CFAP77: variants seen among roughly 807,000 people sequenced by gnomAD.
CFAP77 encodes cilia- and flagella-associated protein 77.
In CFAP77, 25 loss-of-function variants were observed where a neutral mutation model predicts 31.1. The ratio of observed to expected loss-of-function variants is 0.80; its 90% CI spans 0.59 to 1.12. The LOEUF (loss-of-function observed/expected upper bound fraction) is 1.12. Ranked by LOEUF, CFAP77 falls within the 50% of genes most tolerant of loss-of-function variation. The pLI is 0.00. For missense variants in CFAP77, 377 were observed against 397.3 expected (o/e 0.95, Z 0.44); for synonymous variants, 151 against 159.9 (o/e 0.94, Z 0.42).
intron 3 of CFAP77, among the ~76,000 whole-genome samples, chr9:132,536,393 T>TC (rs1852544719): frequency 6.9e-6 from 1 of 145,942 alleles, no homozygotes; most frequent in Admixed American, 6.9e-5. Flanking sequence ...TCATAGTTCT[T>TC]TTTTTTTTTT....
chr9:132,558,023 T>G (rs1428256931), intron 5 of CFAP77, among the ~76,000 whole-genome samples: 1 of 152,226 alleles, frequency 6.6e-6, no homozygotes, highest in Non-Finnish European at 1.5e-5. Flanking sequence ...CGTTGTGTAC[T>G]TTTTTCACCT....
At chr9:132,536,165 T>C (rs768830397) in intron 3 of CFAP77, among the ~76,000 whole-genome samples, 3 of 152,154 alleles carry the variant, frequency 2.0e-5, no homozygotes, top group Non-Finnish European at 4.4e-5. Context: ...TGGTTGGTTC[T>C]AAGCTCCAAG....
intron 1 of CFAP77, among the ~76,000 whole-genome samples, chr9:132,469,223 C>T (rs923632557): frequency 6.6e-6 from 1 of 152,082 alleles, no homozygotes; most frequent in African/African-American, 2.4e-5. Flanking sequence ...AGGACCAGCT[C>T]ATGCAATCAC....
chr9:132,538,146 A>C (rs1443184798), intron 4 of CFAP77, among the ~76,000 whole-genome samples: 1 of 152,264 alleles, frequency 6.6e-6, no homozygotes, highest in Non-Finnish European at 1.5e-5. Flanking sequence ...CACTTCTGAA[A>C]GGGTGCCTTA....
intron 1 of CFAP77, among the ~76,000 whole-genome samples, chr9:132,441,527 C>T (rs1376873406): frequency 1.3e-5 from 2 of 152,312 alleles, no homozygotes; most frequent in Admixed American, 6.5e-5. Flanking sequence ...CTCCCCGCTC[C>T]CCGCCAACCA....
intron 1 of CFAP77, among the ~76,000 whole-genome samples, chr9:132,486,478 C>G (rs1369454182): frequency 6.6e-6 from 1 of 152,112 alleles, no homozygotes; most frequent in African/African-American, 2.4e-5. Context: ...AGTTCCTTCC[C>G]CAAGACGATG....
intron 1 of CFAP77, among the ~76,000 whole-genome samples, chr9:132,451,491 A>C (rs189329816): frequency 2.5e-3 from 388 of 152,258 alleles, no homozygotes; most frequent in Non-Finnish European, 4.3e-3. Flanking sequence ...CGAAGATTCA[A>C]ATTTGAATAT....
intron 1 of CFAP77, among the ~76,000 whole-genome samples, chr9:132,432,513 C>A (rs868469472): frequency 6.7e-6 from 1 of 148,944 alleles, no homozygotes; most frequent in Non-Finnish European, 1.5e-5. Flanking sequence ...GCAAGAGGGT[C>A]CCTTCTTAGT....
At chr9:132,479,695 C>G (rs994758306) in intron 1 of CFAP77, among the ~76,000 whole-genome samples, 1 of 152,152 alleles carries the variant, frequency 6.6e-6, no homozygotes, top group Non-Finnish European at 1.5e-5. Flanking sequence ...GCAGGTGGGC[C>G]GAGCTGGCCA....
intron 1 of CFAP77, among the ~76,000 whole-genome samples, chr9:132,451,740 A>G (rs1447498017): frequency 2.6e-5 from 4 of 151,420 alleles, no homozygotes; most frequent in Admixed American, 2.6e-4. Flanking sequence ...TCTCTCCACC[A>G]GCCCTCACCC....
intron 1 of CFAP77, among the ~76,000 whole-genome samples, chr9:132,489,634 T>C (rs1363820994): frequency 6.6e-6 from 1 of 152,180 alleles, no homozygotes; most frequent in Non-Finnish European, 1.5e-5. Context: ...GTTTCTTTCT[T>C]TGCTGCATGG....
intron 1 of CFAP77, among the ~76,000 whole-genome samples, chr9:132,474,486 C>CA (rs1851314199): frequency 6.6e-6 from 1 of 152,088 alleles, no homozygotes; most frequent in Non-Finnish European, 1.5e-5. Flanking sequence ...TCACATTGCT[C>CA]AAGTATGCAG....
intron 5 of CFAP77, among the ~76,000 whole-genome samples, chr9:132,559,275 G>A (rs1852955194): frequency 1.3e-5 from 2 of 148,640 alleles, no homozygotes; most frequent in Admixed American, 6.7e-5. Context: ...AACCCGGGAG[G>A]CGGAGGTTGC....
chr9:132,417,264 G>A (rs961348242), intron 1 of CFAP77, among the ~76,000 whole-genome samples: 18 of 151,886 alleles, frequency 1.2e-4, no homozygotes, highest in African/African-American at 4.4e-4. Context: ...ACAGGTGCCT[G>A]CCACCATGCC....
At chr9:132,523,160 T>A (rs1852299979) in intron 3 of CFAP77, among the ~76,000 whole-genome samples, 1 of 151,910 alleles carries the variant, frequency 6.6e-6, no homozygotes, top group Non-Finnish European at 1.5e-5. Context: ...TGATCTCTGT[T>A]CACTGTAACC....
intron 1 of CFAP77, among the ~76,000 whole-genome samples, chr9:132,442,374 A>T (rs1850628109): frequency 6.6e-6 from 1 of 152,058 alleles, no homozygotes; most frequent in South Asian, 2.1e-4. Flanking sequence ...GACATGGCGA[A>T]AACCTGTCTC....
intron 5 of CFAP77, among the ~76,000 whole-genome samples, chr9:132,559,060 T>C (rs1360555694): frequency 6.6e-6 from 1 of 150,482 alleles, no homozygotes; most frequent in Non-Finnish European, 1.5e-5. Flanking sequence ...AATTTAAAAA[T>C]GGGTGGCCGG....
chr9:132,431,472 G>T (rs1446640335), intron 1 of CFAP77, among the ~76,000 whole-genome samples: 2 of 152,134 alleles, frequency 1.3e-5, no homozygotes, highest in East Asian at 3.8e-4. Flanking sequence ...AATTTAAAGT[G>T]GATGCTATGA....
At chr9:132,513,077 G>A (rs1428442876) in intron 3 of CFAP77, among the ~76,000 whole-genome samples, 2 of 152,084 alleles carry the variant, frequency 1.3e-5, no homozygotes, top group Non-Finnish European at 2.9e-5. Context: ...TGGGGTACAT[G>A]GGATGTTTCG....
Sources: gnomAD v4.1 joint callset for allele counts (sites outside exome capture counted in the v4.1 genomes callset) on GRCh38, gnomAD v4.1.1 for gene constraint, MANE v1.5 for transcripts, NCBI Gene and HGNC (gene_info 2026-07-23, HGNC 2026-07-21) for gene names.